MPP7: variants seen among roughly 807,000 people sequenced by gnomAD.
MPP7 encodes the protein MAGUK p55 scaffold protein 7.
Under a neutral mutation model 76.5 loss-of-function variants are expected in MPP7, and 60 were observed. The observed-to-expected ratio is 0.78, with a 90% CI of 0.64 to 0.97. MPP7 has a LOEUF of 0.97. MPP7 is among the 50% of genes least tolerant of loss of function. The pLI is 0.00. For synonymous variants in MPP7, 237 were observed against 244.5 expected (o/e 0.97, Z 0.29); for missense variants, 641 against 694.0 (o/e 0.92, Z 0.86).
intron 3 of MPP7, among the ~76,000 whole-genome samples, chr10:28,169,606 T>G (rs1836610559): frequency 6.6e-6 from 1 of 152,238 alleles, no homozygotes; most frequent in Non-Finnish European, 1.5e-5. Flanking sequence ...TCTCCACTTG[T>G]GCCTCAGTAA....
chr10:28,147,039 G>T (rs1436354449), intron 5 of MPP7, among the ~76,000 whole-genome samples: 1 of 152,084 alleles, frequency 6.6e-6, no homozygotes, highest in African/African-American at 2.4e-5. Flanking sequence ...ATGACATTTT[G>T]AAACATAAAT....
intron 3 of MPP7, among the ~76,000 whole-genome samples, chr10:28,191,210 G>A (rs1029018741): frequency 2.0e-5 from 3 of 152,126 alleles, no homozygotes; most frequent in Non-Finnish European, 4.4e-5. Context: ...ACTTAAGGGA[G>A]AAATTATACC....
intron 8 of MPP7, among the ~76,000 whole-genome samples, chr10:28,122,293 G>C (rs1203761353): frequency 6.6e-6 from 1 of 151,968 alleles, no homozygotes; most frequent in African/African-American, 2.4e-5. Flanking sequence ...GAGCCATATA[G>C]GTCTATCTCT....
At chr10:28,299,166 G>A (rs1841096864) in intron 1 of MPP7, among the ~76,000 whole-genome samples, 1 of 152,146 alleles carries the variant, frequency 6.6e-6, no homozygotes, top group African/African-American at 2.4e-5. Context: ...CTTGTTTGGT[G>A]CAAGAGGCCT....
intron 12 of MPP7, among the ~76,000 whole-genome samples, chr10:28,085,959 A>C (rs1012690854): frequency 6.6e-6 from 1 of 152,256 alleles, no homozygotes; most frequent in Admixed American, 6.5e-5. Context: ...CTATGCAGCC[A>C]TAAAAAAGGA....
chr10:28,091,824 G>A (rs1398471242), intron 11 of MPP7, among the ~76,000 whole-genome samples: 2 of 152,106 alleles, frequency 1.3e-5, no homozygotes, highest in East Asian at 1.9e-4. Context: ...AAACAATAGA[G>A]TATAATAATT....
intron 2 of MPP7, among the ~76,000 whole-genome samples, chr10:28,226,923 A>C (rs1300495767): frequency 2.0e-5 from 3 of 152,218 alleles, no homozygotes; most frequent in Admixed American, 6.5e-5. Flanking sequence ...GCAATGTAGT[A>C]AACTAATCAC....
intron 2 of MPP7, among the ~76,000 whole-genome samples, chr10:28,231,778 A>T (rs1040392776): frequency 1.3e-5 from 2 of 152,196 alleles, no homozygotes; most frequent in Non-Finnish European, 2.9e-5. Context: ...GGCACAGGTG[A>T]CCTAACAGGT....
chr10:28,104,961 A>C (rs1853999440), intron 11 of MPP7, among the ~76,000 whole-genome samples: 1 of 152,040 alleles, frequency 6.6e-6, no homozygotes, highest in African/African-American at 2.4e-5. Flanking sequence ...TCCCTTTGCC[A>C]TACTCAAGGA....
intron 11 of MPP7, among the ~76,000 whole-genome samples, chr10:28,115,928 ATTC>A (rs1407340114): frequency 6.6e-6 from 1 of 152,202 alleles, no homozygotes; most frequent in Non-Finnish European, 1.5e-5. Context: ...AAAATTGTAC[ATTC>A]TTGTTTCTTT....
chr10:28,107,238 C>A lies in MPP7; in HGVS notation c.952+12413G>T, dbSNP rs1036611196. ...CCATGCTACCTGGAATTACAGCTAA[C>A]CCTTGGTGCCCAGCTCTAATGGCCT... On this transcript the variant is annotated intron_variant, in intron 11 of 16. Coordinates refer to ENST00000683449, the MANE Select transcript of MPP7 (RefSeq NM_001318170.2). Among the ~76,000 whole-genome samples, 8 of 152,260 alleles carry A rather than the reference C, an allele frequency of 5.3e-5. No individual in the cohort carries two copies. In the South Asian group the frequency reaches 1.7e-3, roughly 32 times the overall value.
chr10:28,076,882 C>T (rs991980976), intron 12 of MPP7, among the ~76,000 whole-genome samples: 9 of 140,912 alleles, frequency 6.4e-5, no homozygotes, highest in South Asian at 2.6e-4. Context: ...AGTAAGACTC[C>T]GTCTGAAAAA....
chr10:28,117,852 T>C (rs981660965), intron 11 of MPP7, among the ~76,000 whole-genome samples: 5 of 152,060 alleles, frequency 3.3e-5, no homozygotes, highest in African/African-American at 1.2e-4. Flanking sequence ...TTTGACCAGA[T>C]TTATTTGAAA....
chr10:28,318,955 C>T (rs934378380), intron 2 of MPP7, among the ~76,000 whole-genome samples: 4 of 152,174 alleles, frequency 2.6e-5, no homozygotes, highest in African/African-American at 9.7e-5. Context: ...GTGTCAAAGA[C>T]ATATTTTTCC....
chr10:28,177,491 A>C (rs1290565790), intron 3 of MPP7, among the ~76,000 whole-genome samples: 1 of 152,132 alleles, frequency 6.6e-6, no homozygotes, highest in Non-Finnish European at 1.5e-5. Context: ...TCGTAGATTA[A>C]TTGTTCCTAT....
chr10:28,164,706 G>A (rs1463689401), intron 3 of MPP7, among the ~76,000 whole-genome samples: 2 of 152,010 alleles, frequency 1.3e-5, no homozygotes, highest in African/African-American at 4.8e-5. Context: ...ATTAGTGTTA[G>A]TGTTTTTTAT....
chr10:28,184,836 C>T, intron 3 of MPP7, among the ~76,000 whole-genome samples: 1 of 100,308 alleles, frequency 1.0e-5, no homozygotes, highest in South Asian at 3.1e-4. Context: ...GTAAACATAT[C>T]TATTTATTTT....
chr10:28,182,507 C>G (rs1187059127), intron 3 of MPP7, among the ~76,000 whole-genome samples: 1 of 152,162 alleles, frequency 6.6e-6, no homozygotes, highest in Non-Finnish European at 1.5e-5. Flanking sequence ...TTCTTAGGTA[C>G]GTTACTTACA....
chr10:28,158,437 G>A (rs1836143494), intron 3 of MPP7, among the ~76,000 whole-genome samples: 1 of 152,164 alleles, frequency 6.6e-6, no homozygotes, highest in Non-Finnish European at 1.5e-5. Flanking sequence ...CGGCAGGGGG[G>A]CCCACAGCCT....
Sources: gnomAD v4.1 joint callset for allele counts (sites outside exome capture counted in the v4.1 genomes callset) on GRCh38, gnomAD v4.1.1 for gene constraint, MANE v1.5 for transcripts, NCBI Gene and HGNC (gene_info 2026-07-23, HGNC 2026-07-21) for gene names.